Variants in FSTL4 observed in about 807,000 individuals in gnomAD.
FSTL4 encodes the protein follistatin like 4.
FSTL4 carries 28 observed loss-of-function variants against 78.2 expected under a neutral mutation model. The ratio of observed to expected loss-of-function variants is 0.36; its 90% CI spans 0.27 to 0.49. The LOEUF (loss-of-function observed/expected upper bound fraction) is 0.49, where lower values mean the gene tolerates loss of function less well. Ranked by LOEUF, FSTL4 falls within the 20% of genes least tolerant of loss-of-function variation. The pLI is 0.98. For synonymous variants in FSTL4, 422 were observed against 440.5 expected, an observed-to-expected ratio of 0.96 and a Z score of 0.53; for missense variants, 922 against 1,084.9, an observed-to-expected ratio of 0.85 and a Z score of 2.11.
chr5:133,295,531 A>C (rs1753373006), intron 6 of FSTL4, among the ~76,000 whole-genome samples: 1 of 152,110 alleles, frequency 6.6e-6, no homozygotes. Context: ...AACTCCTCAG[A>C]AGATTTATCT....
chr5:133,404,452 C>T (rs1756308646), intron 3 of FSTL4, among the ~76,000 whole-genome samples: 1 of 152,218 alleles, frequency 6.6e-6, no homozygotes, highest in Non-Finnish European at 1.5e-5. Context: ...GCCATTTACT[C>T]AGGTTAAAAA....
the FSTL4 span, among the ~76,000 whole-genome samples, chr5:133,760,857 A>G: frequency 6.6e-6 from 1 of 152,202 alleles, no homozygotes; most frequent in Non-Finnish European, 1.5e-5. Flanking sequence ...GTGTTAGCAA[A>G]CCAGAAGAAG....
At chr5:133,293,189 AT>A (rs1753309282) in intron 6 of FSTL4, among the ~76,000 whole-genome samples, 1 of 152,196 alleles carries the variant, frequency 6.6e-6, no homozygotes, top group Non-Finnish European at 1.5e-5. Flanking sequence ...AACTCTCGGA[AT>A]GGTCTTCACT....
At chr5:133,780,839 C>T in the FSTL4 span, among the ~76,000 whole-genome samples, 7 of 152,114 alleles carry the variant, frequency 4.6e-5, no homozygotes, top group Non-Finnish European at 7.3e-5. Context: ...TGGGCCAGGG[C>T]GCCAAGCCCA....
rs181532765 is a variant in FSTL4, at chr5:133,431,644, C to A, written c.161-30658G>T. On this transcript the variant is annotated intron_variant, in intron 3 of 15. Transcript: ENST00000265342. ...TGCTACTGACACTACTGAGTAACCC[C>A]AGTCAATGCCACCTGAAGCAGAAAA... Among the ~76,000 whole-genome samples the A allele has an allele frequency of 1.9e-4, 29 of 152,348 alleles. No homozygotes were observed. The East Asian group carries it at 5.6e-3, about 29-fold the overall frequency.
chr5:133,238,368 C>T (rs1751724331), intron 7 of FSTL4, among the ~76,000 whole-genome samples: 1 of 152,220 alleles, frequency 6.6e-6, no homozygotes, highest in Admixed American at 6.5e-5. Context: ...TCCTTCAATT[C>T]TGGCCCCCAG....
chr5:133,241,877 C>G (rs544247378), intron 7 of FSTL4, among the ~76,000 whole-genome samples: 1 of 152,304 alleles, frequency 6.6e-6, no homozygotes, highest in Non-Finnish European at 1.5e-5. Flanking sequence ...GCCATGACAG[C>G]TGATTCCTGT....
chr5:133,437,233 G>C (rs962258604), intron 3 of FSTL4, among the ~76,000 whole-genome samples: 1 of 152,204 alleles, frequency 6.6e-6, no homozygotes, highest in South Asian at 2.1e-4. Flanking sequence ...AGGCACTCAA[G>C]TGCCTTTGTC....
At chr5:133,666,946 C>T in the FSTL4 span, among the ~76,000 whole-genome samples, 1 of 152,232 alleles carries the variant, frequency 6.6e-6, no homozygotes, top group Non-Finnish European at 1.5e-5. Context: ...GCTATAAACA[C>T]CATCAAAATG....
At chr5:133,428,234 T>G (rs575199950) in intron 3 of FSTL4, among the ~76,000 whole-genome samples, 1 of 152,190 alleles carries the variant, frequency 6.6e-6, no homozygotes, top group African/African-American at 2.4e-5. Flanking sequence ...TCTTGATCTA[T>G]TTTACCTGGG....
At chr5:133,201,804 T>G in intron 15 of FSTL4, 129 bp downstream of exon 15, 1 of 576,790 alleles carries the variant, frequency 1.7e-6, no homozygotes, top group Non-Finnish European at 3.2e-6. Context: ...TCCTTCGTGA[T>G]GGGGTCCAAA....
chr5:133,589,744 A>C (rs1201706634), intron 2 of FSTL4, among the ~76,000 whole-genome samples: 1 of 152,082 alleles, frequency 6.6e-6, no homozygotes, highest in Non-Finnish European at 1.5e-5. Flanking sequence ...TCCAAAGCTC[A>C]ATGTCATCAA....
chr5:133,670,543 A>T, the FSTL4 span, among the ~76,000 whole-genome samples: 1 of 152,218 alleles, frequency 6.6e-6, no homozygotes, highest in Non-Finnish European at 1.5e-5. Context: ...CCCCAGCAAC[A>T]TTTCCACCCT....
At chr5:133,254,730 C>T (rs924082137) in intron 6 of FSTL4, among the ~76,000 whole-genome samples, 2 of 152,224 alleles carry the variant, frequency 1.3e-5, no homozygotes, top group Non-Finnish European at 2.9e-5. Context: ...CACCCTGCGC[C>T]TTCTCTGGAG....
chr5:133,309,769 C>T (rs549337539), intron 6 of FSTL4, among the ~76,000 whole-genome samples: 15 of 152,300 alleles, frequency 9.8e-5, no homozygotes, highest in African/African-American at 2.2e-4. Flanking sequence ...CGATTGACTC[C>T]GCATCGGTAG....
At chr5:133,697,697 T>TCTGG in the FSTL4 span, among the ~76,000 whole-genome samples, 1 of 152,170 alleles carries the variant, frequency 6.6e-6, no homozygotes, top group Non-Finnish European at 1.5e-5. Context: ...CTCTGCAGGC[T>TCTGG]CTGGCCCTCA....
intron 4 of FSTL4, among the ~76,000 whole-genome samples, chr5:133,390,888 G>C (rs909948623): frequency 1.3e-5 from 2 of 152,298 alleles, no homozygotes; most frequent in East Asian, 3.9e-4. Context: ...GAGAGGCTGA[G>C]TGATCATGCG....
intron 14 of FSTL4, among the ~76,000 whole-genome samples, chr5:133,205,389 G>A (rs1052925306): frequency 2.0e-4 from 3 of 14,778 alleles, no homozygotes; most frequent in East Asian, 4.2e-3. Context: ...TTCTTTGCGT[G>A]TGTGTGTGTG....
intron 3 of FSTL4, among the ~76,000 whole-genome samples, chr5:133,509,968 T>C (rs1758691936): frequency 6.6e-6 from 1 of 152,222 alleles, no homozygotes; most frequent in South Asian, 2.1e-4. Context: ...GTTTCCGATA[T>C]GGAGTGTAGG....
Sources: allele counts gnomAD v4.1 joint callset (sites outside exome capture counted in the v4.1 genomes callset), GRCh38; gene constraint gnomAD v4.1.1; transcripts MANE v1.5; gene names NCBI Gene and HGNC (gene_info 2026-07-23, HGNC 2026-07-21).